The following MYEF2 variants were observed in gnomAD, a reference collection of about 807,000 sequenced individuals.
The protein encoded by MYEF2 is myelin gene expression factor 2.
MYEF2 carries 37 observed loss-of-function variants against 75.2 expected under a neutral mutation model. The ratio of observed to expected loss-of-function variants is 0.49; its 90% CI spans 0.38 to 0.65. MYEF2 has a LOEUF of 0.65. Among genes scored for constraint, MYEF2 ranks in the 30% least tolerant of loss-of-function variants. The probability of loss-of-function intolerance (pLI) is 0.00; values close to 1 mark genes in which losing one functional copy is unlikely to be tolerated. For synonymous variants in MYEF2, 195 were observed against 241.6 expected (o/e 0.81, Z 1.79); for missense variants, 634 against 771.4 (o/e 0.82, Z 2.11).
At chr15:48,172,298 G>T (rs2040369101) in intron 1 of MYEF2, among the ~76,000 whole-genome samples, 1 of 151,776 alleles carries the variant, frequency 6.6e-6, no homozygotes, top group Admixed American at 6.6e-5. Context: ...TGCTTGGGAG[G>T]CTGAGGCAGG....
chr15:48,139,201 A>C lies in MYEF2; in HGVS notation c.*3707T>G. Reference sequence around the variant, plus strand: ...GTATGTATTTTAAGTACAATAGCACAACTTGAAAATATTCATATAAGAACA... The same window carrying C: ...GTATGTATTTTAAGTACAATAGCACCACTTGAAAATATTCATATAAGAACA... On this transcript the variant is annotated 3_prime_UTR_variant, in exon 17 of 17. Transcript: ENST00000324324. The C allele has an allele frequency of 1.3e-6, 2 of 1,557,362 alleles. No homozygotes were observed. The highest frequency in any genetic ancestry group is 1.8e-6 in the Non-Finnish European group (2 of 1,133,956).
At chr15:48,171,517 C>G (rs1455038002) in intron 1 of MYEF2, among the ~76,000 whole-genome samples, 3 of 151,384 alleles carry the variant, frequency 2.0e-5, no homozygotes, top group African/African-American at 7.3e-5. Context: ...TTCATTTTTC[C>G]CCCATAAGAA....
Position 48,142,085 on chromosome 15 carries a change from T to A in MYEF2, c.*823A>T. 1 of 1,613,928 alleles carries A rather than the reference T, an allele frequency of 6.2e-7. No homozygotes were observed. Among genetic ancestry groups the A allele is most frequent in the Non-Finnish European group, 8.5e-7 (1 of 1,179,900 alleles). ...GGGATCCAATGTGTTTGATATGTTG[T>A]GCCTTGGTATTCCATGGTTTATTAA... On this transcript the variant is annotated 3_prime_UTR_variant, in exon 17 of 17. Coordinates refer to ENST00000324324, the MANE Select transcript of MYEF2 (RefSeq NM_016132.5).
rs1306988927 is a variant in MYEF2 at position 48,159,486 on chromosome 15, CAAT to C, written c.717+124_717+126del. The C allele has an allele frequency of 5.3e-6, 4 of 760,906 alleles. No homozygotes were observed. The Middle Eastern group carries it at 1.2e-3, about 220-fold the overall frequency. 47.1% of individuals were successfully genotyped at this position (760,906 alleles called of 1,614,324 possible). ...TATACGTCAATTGATTTTGAGTTTA[CAAT>C]AATTACTATTTCACTTACTTTAGTT... On this transcript the variant is annotated intron_variant, in intron 6 of 16. Transcript: ENST00000324324.
chr15:48,152,420 G>A (rs1675005735), intron 10 of MYEF2, 136 bp from the exon 11 acceptor site: 2 of 715,402 alleles, frequency 2.8e-6, no homozygotes, highest in Non-Finnish European at 4.7e-6. Flanking sequence ...GGGTACAGGA[G>A]GCATGGTTTA....
rs1304967008 is a variant in MYEF2 at position 48,139,520 on chromosome 15, A to AT, written c.*3387dup. On this transcript the variant is annotated 3_prime_UTR_variant, in exon 17 of 17. Transcript: ENST00000324324. ...TCTTTATATTGAATTCCATTCCATA[A>AT]TAAAAAAAAAAAAGAACAAAAAAAC... is the stretch of plus-strand genomic sequence containing the variant. 5 of 157,292 alleles carry AT rather than the reference A, an allele frequency of 3.2e-5. No homozygotes were observed. In the Admixed American group the frequency reaches 3.2e-4, roughly 10 times the overall value. 9.7% of individuals were successfully genotyped at this position (157,292 alleles called of 1,614,324 possible).
At chr15:48,150,853 G>T (rs1426402725) in intron 14 of MYEF2, among the ~76,000 whole-genome samples, 1 of 152,048 alleles carries the variant, frequency 6.6e-6, no homozygotes. Context: ...TGGAAAGAAG[G>T]TTCCTGGATT....
At position 48,138,942 on chromosome 15, in the gene MYEF2, C is replaced by A; in HGVS notation, c.*3966G>T. On this transcript the variant is annotated 3_prime_UTR_variant, in exon 17 of 17. Coordinates refer to ENST00000324324, the MANE Select transcript of MYEF2 (RefSeq NM_016132.5). ...ACTTAATTAGCCATTTGAGAAAACTCAAAAGTGTTTACTTTTTCCACAACA... is the reference window on the plus strand; with the variant it reads ...ACTTAATTAGCCATTTGAGAAAACTAAAAAGTGTTTACTTTTTCCACAACA... 1.3e-6 allele frequency: 2 copies of A among 1,562,596 alleles called. No individual in the cohort carries two copies. The highest frequency in any genetic ancestry group is 1.7e-6 in the Non-Finnish European group (2 of 1,144,476).
rs1188369498 is a variant in MYEF2 at position 48,158,878 on chromosome 15, G to A, written c.762C>T (p.Ser254=). ...VGWKKLKEVF[S]IAGTVKRADI... is the part of the protein sequence containing the mutation. ...CTGCCCGCTTCACAGTTCCAGCTAT[G>A]CTGAACACTTCCTTTAGCTTCTTCC... The change falls in exon 7 of 17, where the codon AGC becomes AGT. Residue 254 remains serine, a synonymous_variant. Coordinates refer to ENST00000324324, the MANE Select transcript of MYEF2 (RefSeq NM_016132.5). The A allele has an allele frequency of 2.5e-6, 4 of 1,613,600 alleles. No individual in the cohort carries two copies. Among genetic ancestry groups the A allele is most frequent in the Non-Finnish European group, 3.4e-6 (4 of 1,179,738 alleles).
chr15:48,145,301 C>T (rs933563133), intron 16 of MYEF2, among the ~76,000 whole-genome samples: 1 of 151,800 alleles, frequency 6.6e-6, no homozygotes, highest in African/African-American at 2.4e-5. Context: ...AAAACACCAA[C>T]TGAAATATTT....
In MYEF2 at chr15:48,140,240, A is replaced by G. The variant is rs1301724096; in HGVS notation, c.*2668T>C. On this transcript the variant is annotated 3_prime_UTR_variant, in exon 17 of 17. Transcript: ENST00000324324. Reference sequence around the variant, plus strand: ...CAGAACAGCCCCCAAGATGATAAATATTAGTGTTATTTATGCACATATGAA... The same window carrying G: ...CAGAACAGCCCCCAAGATGATAAATGTTAGTGTTATTTATGCACATATGAA... The G allele has an allele frequency of 6.6e-6, 1 of 152,158 alleles. No homozygotes were observed. Among genetic ancestry groups the G allele is most frequent in the Non-Finnish European group, 1.5e-5 (1 of 67,994 alleles). The allele number at this position is 152,158 out of a possible 1,614,324, so 9.4% of individuals were successfully genotyped here. A position where few individuals can be genotyped will look rare whatever the true frequency, so the allele number is the denominator to read the frequency against.
rs904787012 is a variant in MYEF2 at position 48,149,530 on chromosome 15, CAT to C, written c.1379-161_1379-160del. 4.3e-6 allele frequency: 2 copies of C among 470,016 alleles called. No individual in the cohort carries two copies. Among genetic ancestry groups the C allele is most frequent in the African/African-American group, 2.0e-5 (1 of 50,232 alleles). 29.1% of individuals were successfully genotyped at this position (470,016 alleles called of 1,614,324 possible). A position where few individuals can be genotyped will look rare whatever the true frequency, so the allele number is the denominator to read the frequency against. ...TTTATATAATTAAATAATATAAAAA[CAT>C]AAAATTATTTTCATACAGATAACAA... On this transcript the variant is annotated intron_variant, in intron 14 of 16. Transcript: ENST00000324324. This position sits in a 1 kb window ranked among gnomAD's most constrained non-coding sequence, Gnocchi z 4.0.
chr15:48,144,052 A>G (rs2039185288), intron 16 of MYEF2, among the ~76,000 whole-genome samples: 1 of 152,064 alleles, frequency 6.6e-6, no homozygotes, highest in Non-Finnish European at 1.5e-5. Flanking sequence ...CACTAGATGT[A>G]CATGTCAAAA....
At position 48,135,155 on chromosome 15, in the gene MYEF2, A is replaced by G. The variant is rs1470265617; in HGVS notation, c.*7753T>C. ...CACAATTGCTGATTGAGTTCTTCTCACTAGTTTGCAATTTCTTCTTAATCA... is the reference window on the plus strand; with the variant it reads ...CACAATTGCTGATTGAGTTCTTCTCGCTAGTTTGCAATTTCTTCTTAATCA... On this transcript the variant is annotated 3_prime_UTR_variant, in exon 17 of 17. Coordinates refer to ENST00000324324, the MANE Select transcript of MYEF2 (RefSeq NM_016132.5). 2.0e-6 allele frequency: 1 copy of G among 512,406 alleles called. No homozygotes were observed. Among genetic ancestry groups the G allele is most frequent in the Non-Finnish European group, 3.5e-6 (1 of 285,652 alleles). The allele number at this position is 512,406 out of a possible 1,614,324, so 31.7% of individuals were successfully genotyped here. A position where few individuals can be genotyped will look rare whatever the true frequency, so the allele number is the denominator to read the frequency against.
intron 10 of MYEF2, 188 bp from the exon 11 acceptor site, chr15:48,152,472 A>C (rs1050567422): frequency 2.1e-5 from 10 of 483,022 alleles, no homozygotes; most frequent in Non-Finnish European, 3.7e-5. Flanking sequence ...GAATCTTCAA[A>C]AGGGTTTCTT....
intron 1 of MYEF2, among the ~76,000 whole-genome samples, chr15:48,170,922 A>T (rs2040313027): frequency 6.6e-6 from 1 of 152,224 alleles, no homozygotes; most frequent in Non-Finnish European, 1.5e-5. Context: ...TGCTAGAATA[A>T]AGAAAGAGAC....
chr15:48,159,322 A>T lies in MYEF2; in HGVS notation c.717+291T>A, dbSNP rs566092417. ...CAAGACTAAAAAAAGAAATCCATTTACCAATATAAACCAAAACACATATAA... is the reference window on the plus strand; with the variant it reads ...CAAGACTAAAAAAAGAAATCCATTTTCCAATATAAACCAAAACACATATAA... On this transcript the variant is annotated intron_variant, in intron 6 of 16. Coordinates refer to ENST00000324324, the MANE Select transcript of MYEF2 (RefSeq NM_016132.5). Among the ~76,000 whole-genome samples, 5 of 152,266 alleles carry T rather than the reference A, an allele frequency of 3.3e-5. No individual in the cohort carries two copies. In the South Asian group the frequency reaches 1.0e-3, roughly 31 times the overall value.
At position 48,137,169 on chromosome 15, in the gene MYEF2, A is replaced by T; in HGVS notation, c.*5739T>A. 2 of 521,518 alleles carry T rather than the reference A, an allele frequency of 3.8e-6. No homozygotes were observed. Among genetic ancestry groups the T allele is most frequent in the Non-Finnish European group, 6.5e-6 (2 of 307,880 alleles). The allele number at this position is 521,518 out of a possible 1,614,324, so 32.3% of individuals were successfully genotyped here. A position where few individuals can be genotyped will look rare whatever the true frequency, so the allele number is the denominator to read the frequency against. Reference sequence around the variant, plus strand: ...CTAAAGTATGAACGTTAAGTACCATAAAAAGAGAAAAATAAAGTGTGACTG... The same window carrying T: ...CTAAAGTATGAACGTTAAGTACCATTAAAAGAGAAAAATAAAGTGTGACTG... On this transcript the variant is annotated 3_prime_UTR_variant, in exon 17 of 17. Transcript: ENST00000324324.
rs1010097918 is a variant in MYEF2, at chr15:48,136,065, T to G, written c.*6843A>C. On this transcript the variant is annotated 3_prime_UTR_variant, in exon 17 of 17. Coordinates refer to ENST00000324324, the MANE Select transcript of MYEF2 (RefSeq NM_016132.5). ...TAACTGCCAGAGTACAGGGAAACAG[T>G]TCTTGGTTCCAAGGGTATAATTTTA... The G allele has an allele frequency of 3.9e-5, 6 of 152,148 alleles. No homozygotes were observed. The highest frequency in any genetic ancestry group is 2.0e-4 in the Admixed American group (3 of 15,248). 9.4% of individuals were successfully genotyped at this position (152,148 alleles called of 1,614,324 possible). A position where few individuals can be genotyped will look rare whatever the true frequency, so the allele number is the denominator to read the frequency against.
Sources: gnomAD v4.1 joint callset for allele counts (sites outside exome capture counted in the v4.1 genomes callset) on GRCh38, gnomAD v4.1.1 for gene constraint, Gnocchi (gnomAD v3.1) non-coding constraint, MANE v1.5 for transcripts, NCBI Gene and HGNC (gene_info 2026-07-23, HGNC 2026-07-21) for gene names.